SEC24D: variants seen among roughly 807,000 people sequenced by gnomAD.
SEC24D encodes the protein SEC24 homolog D, COPII component.
In SEC24D, 69 loss-of-function variants were observed where a neutral mutation model predicts 116.9. The ratio of observed to expected loss-of-function variants is 0.59; its 90% confidence interval spans 0.49 to 0.72. The LOEUF is 0.72. Among genes scored for constraint, SEC24D ranks in the 30% least tolerant of loss-of-function variants. The pLI, the probability that SEC24D is intolerant of heterozygous loss-of-function variation, is 0.00. For synonymous variants in SEC24D, 405 were observed against 442.8 expected, an observed-to-expected ratio of 0.91 and a Z score of 1.07; for missense variants, 1,131 against 1,264.1, an observed-to-expected ratio of 0.89 and a Z score of 1.60.
chr4:118,750,579 G>C (rs561565350), intron 13 of SEC24D, among the ~76,000 whole-genome samples: 1 of 152,270 alleles, frequency 6.6e-6, no homozygotes, highest in South Asian at 2.1e-4. Flanking sequence ...ACTTCTTAGA[G>C]TAGAAAGACT....
At chr4:118,739,999 C>A (rs1394554584) in intron 17 of SEC24D, among the ~76,000 whole-genome samples, 1 of 152,106 alleles carries the variant, frequency 6.6e-6, no homozygotes, top group Non-Finnish European at 1.5e-5. Context: ...AATGTCCTAA[C>A]CCCCTAGTAC....
At chr4:118,779,466 G>A (rs1483313231) in intron 8 of SEC24D, among the ~76,000 whole-genome samples, 5 of 152,190 alleles carry the variant, frequency 3.3e-5, no homozygotes, top group Non-Finnish European at 7.3e-5. Context: ...CTTGAATGTG[G>A]TGGATAAGCT....
At chr4:118,779,457 T>A (rs139968109) in intron 8 of SEC24D, among the ~76,000 whole-genome samples, 3 of 152,222 alleles carry the variant, frequency 2.0e-5, no homozygotes, top group Admixed American at 6.5e-5. Flanking sequence ...TGAAGCTGAC[T>A]TGAATGTGGT....
intron 8 of SEC24D, among the ~76,000 whole-genome samples, chr4:118,780,240 T>C (rs889404418): frequency 2.6e-5 from 4 of 152,220 alleles, no homozygotes; most frequent in African/African-American, 9.7e-5. Flanking sequence ...GGGCATTTAG[T>C]GCTATAAATT....
chr4:118,768,719 A>T (rs1177298743), intron 8 of SEC24D, among the ~76,000 whole-genome samples: 1 of 152,112 alleles, frequency 6.6e-6, no homozygotes, highest in Non-Finnish European at 1.5e-5. Flanking sequence ...AAGGAACTCA[A>T]CTCTTAGCTT....
intron 3 of SEC24D, among the ~76,000 whole-genome samples, chr4:118,821,420 G>T (rs560367441): frequency 1.3e-5 from 2 of 152,158 alleles, no homozygotes; most frequent in Admixed American, 1.3e-4. Flanking sequence ...CTACCCAGTA[G>T]TAACTCTATG....
chr4:118,785,600 A>T (rs879852003), intron 8 of SEC24D, among the ~76,000 whole-genome samples: 3 of 152,190 alleles, frequency 2.0e-5, no homozygotes, highest in Non-Finnish European at 2.9e-5. Context: ...ACACCTTATG[A>T]AAAAATAAAG....
chr4:118,788,529 T>C (rs540490372), intron 8 of SEC24D, among the ~76,000 whole-genome samples: 3 of 152,352 alleles, frequency 2.0e-5, no homozygotes, highest in African/African-American at 7.2e-5. Context: ...TTCTGTCCTT[T>C]ATAGTGAAAG....
chr4:118,739,299 A>T lies in SEC24D; in HGVS notation c.2239-12T>A, dbSNP rs1442204286. The T allele has an allele frequency of 6.2e-7, 1 of 1,603,812 alleles. No homozygotes were observed. The highest frequency in any genetic ancestry group is 2.2e-5 in the East Asian group (1 of 44,708). Reference sequence around the variant, plus strand: ...TAAAGCACAGCACACTGTAGAAGCAACATTGAGGTCACATGTTTTTCTGAT... The same window carrying T: ...TAAAGCACAGCACACTGTAGAAGCATCATTGAGGTCACATGTTTTTCTGAT... On this transcript the variant is annotated splice_polypyrimidine_tract_variant and intron_variant, in intron 17 of 22. Coordinates refer to ENST00000280551, the MANE Select transcript of SEC24D (RefSeq NM_014822.4).
intron 8 of SEC24D, among the ~76,000 whole-genome samples, chr4:118,780,691 T>A (rs1261417622): frequency 6.6e-6 from 1 of 150,832 alleles, no homozygotes; most frequent in African/African-American, 2.4e-5. Flanking sequence ...GTCTAAAAAG[T>A]CTCCCATTAT....
chr4:118,829,538 C>T (rs1409090574), intron 2 of SEC24D, among the ~76,000 whole-genome samples: 2 of 151,912 alleles, frequency 1.3e-5, no homozygotes, highest in South Asian at 2.1e-4. Flanking sequence ...AGGGGCCAGG[C>T]GCGGTGGCTC....
Position 118,815,757 on chromosome 4 carries a change from A to C in SEC24D, c.398-31T>G, listed in dbSNP as rs775120911. On this transcript the variant is annotated intron_variant, in intron 4 of 22. Transcript: ENST00000280551. ...TGAGAAAGGAGACCAGCCCACTTAA[A>C]TACCACATTTCTCAACTCTCTGACT... 2.5e-6 allele frequency: 4 copies of C among 1,608,986 alleles called. No individual in the cohort carries two copies. The African/African-American group carries it at 4.0e-5, about 16-fold the overall frequency.
intron 11 of SEC24D, among the ~76,000 whole-genome samples, chr4:118,754,666 A>G (rs1726998729): frequency 6.6e-6 from 1 of 152,112 alleles, no homozygotes; most frequent in Non-Finnish European, 1.5e-5. Context: ...CCAACTGATA[A>G]CCCAATAGTA....
Position 118,821,464 on chromosome 4 carries a change from C to T in SEC24D, c.248+3156G>A, listed in dbSNP as rs115657526. Among the ~76,000 whole-genome samples the T allele has an allele frequency of 2.9e-3, 443 of 152,234 alleles. 3 individuals are homozygous for T. The highest frequency in any genetic ancestry group is 0.01 in the African/African-American group (421 of 41,544). On this transcript the variant is annotated intron_variant, in intron 3 of 22. Transcript: ENST00000280551. The stretch of plus-strand genomic sequence containing the variant: ...TTTAGCACTGCTTGCAAGTTTAAGA[C>T]ATTTATTCTTCCTCAGTCAAATCAA...
chr4:118,801,753 C>T (rs1485753977), intron 7 of SEC24D, among the ~76,000 whole-genome samples: 2 of 152,050 alleles, frequency 1.3e-5, no homozygotes, highest in Non-Finnish European at 2.9e-5. Context: ...GGTGACTAAA[C>T]AAATGCTTCG....
intron 11 of SEC24D, 106 bp downstream of exon 11, chr4:118,757,615 C>T: frequency 2.1e-6 from 2 of 957,592 alleles, no homozygotes; most frequent in Non-Finnish European, 3.2e-6. Context: ...TACCCAGTGT[C>T]CTCATTAGCA....
Position 118,782,104 on chromosome 4 carries a change from T to C in SEC24D, c.1042-13793A>G, listed in dbSNP as rs575000511. ...ACTTCTGTCAATTCGTCAAAGTCAT[T>C]CTCCATCTAGCTTTGTTCCATTGTT... On this transcript the variant is annotated intron_variant, in intron 8 of 22. Transcript: ENST00000280551. Among the ~76,000 whole-genome samples, 287 of 152,328 alleles carry C rather than the reference T, an allele frequency of 1.9e-3. 3 individuals are homozygous for C. Among genetic ancestry groups the C allele is most frequent in the African/African-American group, 6.6e-3 (276 of 41,568 alleles).
chr4:118,809,174 A>G (rs542067004), intron 6 of SEC24D, among the ~76,000 whole-genome samples: 15 of 151,962 alleles, frequency 9.9e-5, no homozygotes, highest in Non-Finnish European at 1.9e-4. Context: ...GGGTTTCACC[A>G]TGTTAGCCAG....
At chr4:118,807,257 C>A (rs1417051646) in intron 6 of SEC24D, among the ~76,000 whole-genome samples, 1 of 152,174 alleles carries the variant, frequency 6.6e-6, no homozygotes, top group East Asian at 1.9e-4. Flanking sequence ...TAAGTTCTGT[C>A]ATCTAATGTG....
Sources: gnomAD v4.1 joint callset for allele counts (sites outside exome capture counted in the v4.1 genomes callset) on GRCh38, gnomAD v4.1.1 for gene constraint, MANE v1.5 for transcripts, NCBI Gene and HGNC (gene_info 2026-07-23, HGNC 2026-07-21) for gene names.